The following NEB variants were observed in gnomAD, a reference collection of about 807,000 sequenced individuals.
NEB encodes the protein nemaline myopathy type 2.
Under a neutral mutation model 952.2 loss-of-function variants are expected in NEB, and 512 were observed. That is an observed-to-expected ratio of 0.54 (90% CI 0.50 to 0.58). The LOEUF (loss-of-function observed/expected upper bound fraction) is 0.58. NEB is among the 20% of genes least tolerant of loss of function. NEB has a pLI of 0.00. For missense variants in NEB, 8,428 were observed against 9,231.1 expected (o/e 0.91, Z 3.56); for synonymous variants, 2,900 against 3,149.8 (o/e 0.92, Z 2.66).
intron 60 of NEB, among the ~76,000 whole-genome samples, chr2:151,641,430 G>A (rs1478514329): frequency 1.3e-5 from 2 of 152,166 alleles, no homozygotes; most frequent in Non-Finnish European, 2.9e-5. Flanking sequence ...CTCTTGGGCT[G>A]AAGTGATCCT....
At chr2:151,644,599 T>G in intron 55 of NEB, 24 bp from the exon 56 acceptor site, 3 of 1,560,782 alleles carry the variant, frequency 1.9e-6, no homozygotes, top group Non-Finnish European at 2.7e-6. Flanking sequence ...AAGATCATTT[T>G]GGGAAATACT....
intron 161 of NEB, among the ~76,000 whole-genome samples, chr2:151,508,927 C>CTTAT (rs2153223143): frequency 6.6e-6 from 1 of 152,330 alleles, no homozygotes; most frequent in African/African-American, 2.4e-5. Context: ...ACTTTAGAGC[C>CTTAT]TTATTTTTCT....
chr2:151,540,291 T>C, intron 138 of NEB, 53 bp downstream of exon 138: 1 of 1,113,278 alleles, frequency 9.0e-7, no homozygotes, highest in Non-Finnish European at 1.3e-6. Context: ...TCTTAGGTAC[T>C]TCAACCTCAG....
chr2:151,504,889 T>C lies in NEB; in HGVS notation c.23742+589A>G, dbSNP rs115187177. 1.8e-3 allele frequency among the ~76,000 whole-genome samples: 272 copies of C among 152,144 alleles called. 2 individuals carry two copies. The highest frequency in any genetic ancestry group is 6.3e-3 in the African/African-American group (261 of 41,498). On this transcript the variant is annotated intron_variant, in intron 165 of 181. Transcript: ENST00000397345. Reference sequence around the variant, plus strand: ...GACAGAACAGGCTTAATGTATAATATACCATTGTAGGTAGATCGCAGCCTG... The same window carrying C: ...GACAGAACAGGCTTAATGTATAATACACCATTGTAGGTAGATCGCAGCCTG...
rs1553627466 is a variant in NEB, at chr2:151,518,316, A to C, written c.22800+2T>G. 5 of 1,589,860 alleles carry C rather than the reference A, an allele frequency of 3.1e-6. No homozygotes were observed. The highest frequency in any genetic ancestry group is 1.7e-5 in the Admixed American group (1 of 59,978). ...AGGAAAAATCGGTCTTGATCCACTT[A>C]CTATACTCTGTAATTCTGTGGCCTC... On this transcript the variant is annotated splice_donor_variant, in intron 156 of 181. Transcript: ENST00000397345. LOFTEE classifies it high-confidence loss of function.
intron 4 of NEB, among the ~76,000 whole-genome samples, chr2:151,728,513 C>A (rs1300905149): frequency 6.6e-6 from 1 of 152,058 alleles, no homozygotes; most frequent in Non-Finnish European, 1.5e-5. Flanking sequence ...AACCGGAGTG[C>A]CATTTACACT....
In NEB at chr2:151,492,246, A is replaced by G. The variant is rs754365974; in HGVS notation, c.24909T>C (p.Gly8303=). The G allele has an allele frequency of 1.0e-4, 169 of 1,613,162 alleles. No individual in the cohort carries two copies. Among genetic ancestry groups the G allele is most frequent in the Non-Finnish European group, 1.4e-4 (165 of 1,179,668 alleles). ...GATCTGTCACCACTGGTGTGAAGCA[A>G]CCCTTGTGTTTCTCAAAGTCTTCAT... ...KYHEDFEKHK[G]CFTPVVTDPI... is the part of the protein sequence containing the mutation. The change falls in exon 178 of 182, where the codon GGT becomes GGC. Residue 8303 remains glycine, a synonymous_variant. Coordinates refer to ENST00000397345, the MANE Select transcript of NEB (RefSeq NM_001164508.2).
At chr2:151,497,120 T>G in intron 171 of NEB, 87 bp from the exon 172 acceptor site, 1 of 1,456,112 alleles carries the variant, frequency 6.9e-7, no homozygotes, top group Non-Finnish European at 9.3e-7. Context: ...AGCTTCCTTG[T>G]TAAGACAAAA....
chr2:151,550,189 C>A (rs925159949), intron 129 of NEB, among the ~76,000 whole-genome samples: 1 of 147,612 alleles, frequency 6.8e-6, no homozygotes, highest in Admixed American at 6.9e-5. Context: ...ATCACTTGAG[C>A]CCAGGAATTT....
intron 46 of NEB, among the ~76,000 whole-genome samples, chr2:151,661,226 A>T (rs1309871506): frequency 2.0e-5 from 3 of 152,134 alleles, no homozygotes; most frequent in Non-Finnish European, 4.4e-5. Context: ...TTAATCACTA[A>T]CACTGAAAAA....
intron 9 of NEB, among the ~76,000 whole-genome samples, chr2:151,721,941 C>A (rs2099775285): frequency 2.0e-5 from 3 of 152,136 alleles, no homozygotes; most frequent in Admixed American, 1.3e-4. Flanking sequence ...TATATTTTAA[C>A]CAATTACATA....
At position 151,663,669 on chromosome 2, in the gene NEB, G is replaced by C. The variant is rs527283653; in HGVS notation, c.5642C>G (p.Ala1881Gly). The part of the protein sequence containing the change: ...TPVDMLSVVA[A>G]KKSQEVATNA... ...GGTGGCCACTTCCTGAGACTTCTTG[G>C]CTGCCACCACACTGAGCATGTCCAC... Residue 1881 changes from alanine (A) to glycine (G), a missense_variant, in exon 45 of 182, where the codon GCC becomes GGC. By Grantham distance (60) the Ala-to-Gly change is moderately conservative (BLOSUM62 0). Coordinates refer to ENST00000397345, the MANE Select transcript of NEB (RefSeq NM_001164508.2). 7.4e-6 allele frequency: 12 copies of C among 1,613,726 alleles called. No homozygotes were observed. The African/African-American group carries it at 1.6e-4, about 22-fold the overall frequency.
chr2:151,678,046 T>A lies in NEB; in HGVS notation c.3397A>T (p.Thr1133Ser), dbSNP rs1294520829. The A allele has an allele frequency of 6.2e-7, 1 of 1,613,984 alleles. No homozygotes were observed. The highest frequency in any genetic ancestry group is 1.7e-5 in the Admixed American group (1 of 60,016). Residue 1133 changes from threonine to serine, a missense_variant, in exon 33 of 182, where the codon ACA becomes TCA. Thr to Ser is a moderately conservative substitution (Grantham distance 58, BLOSUM62 1). Around this residue, in one of 11 missense-constraint regions of NEB, gnomAD observed 2,851 missense variants for 2,791.5 expected, o/e 1.02. Transcript: ENST00000397345. ...DREYKKDYEKTKSKYNTPHDM... is the reference protein window; with the variant it reads ...DREYKKDYEKSKSKYNTPHDM... ...TGGGGCGTGTTGTATTTGGACTTTGTCTTCTCATAGTCTTTTTTATACTCC... is the reference window on the plus strand; with the variant it reads ...TGGGGCGTGTTGTATTTGGACTTTGACTTCTCATAGTCTTTTTTATACTCC...
At chr2:151,655,480 T>C (rs2099078213) in intron 50 of NEB, 106 bp from the exon 51 acceptor site, 1 of 577,822 alleles carries the variant, frequency 1.7e-6, no homozygotes, top group Non-Finnish European at 2.9e-6. Context: ...TTTGATGTAG[T>C]AAGTAATAAC....
chr2:151,506,836 G>T (rs1227978932), intron 163 of NEB, 73 bp downstream of exon 163: 1 of 969,186 alleles, frequency 1.0e-6, no homozygotes, highest in East Asian at 2.4e-5. Flanking sequence ...ATCAATATAA[G>T]GCTAGTATAT....
intron 51 of NEB, among the ~76,000 whole-genome samples, chr2:151,654,528 A>C (rs1184647548): frequency 6.6e-6 from 1 of 152,242 alleles, no homozygotes; most frequent in African/African-American, 2.4e-5. Context: ...AATGCCTTTT[A>C]TAAATTGCAA....
rs760359781 is a variant in NEB at position 151,636,227 on chromosome 2, G to T, written c.9102C>A (p.Asp3034Glu). The T allele has an allele frequency of 3.1e-6, 5 of 1,605,856 alleles. No homozygotes were observed. The highest frequency in any genetic ancestry group is 4.2e-6 in the Non-Finnish European group (5 of 1,177,570). ...AAKASRDIIS[D>E]YKYKDGYCKQ... ...ACTCAGAATGGAATTGACAACTCAC[G>T]TCACTGATGATGTCCCTGGAGGCCT... Residue 3034 changes from aspartate to glutamate, a missense_variant and splice_region_variant, in exon 64 of 182, where the codon GAC becomes GAA. Physicochemically the swap from Asp to Glu is conservative, Grantham distance 45. Transcript: ENST00000397345.
At chr2:151,523,063 A>G (rs1163636246) in intron 153 of NEB, among the ~76,000 whole-genome samples, 1 of 152,192 alleles carries the variant, frequency 6.6e-6, no homozygotes, top group Non-Finnish European at 1.5e-5. Flanking sequence ...AAATTTCAAC[A>G]TCATAGTCGT....
chr2:151,552,759 G>A lies in NEB; in HGVS notation c.19749C>T (p.His6583=), dbSNP rs768711941. The A allele has an allele frequency of 3.7e-5, 60 of 1,612,434 alleles. No individual in the cohort carries two copies. Among genetic ancestry groups the A allele is most frequent in the Non-Finnish European group, 4.8e-5 (57 of 1,179,072 alleles). Reference sequence around the variant, plus strand: ...TGTAGTCATTCCTTGTTTTCAACATGTGAGCTTTATACTTGATCTGCCGAG... The same window carrying A: ...TGTAGTCATTCCTTGTTTTCAACATATGAGCTTTATACTTGATCTGCCGAG... ...DLRDDIKYKA[H]MLKTRNDYKL... The change falls in exon 128 of 182, where the codon CAC becomes CAT. Residue 6583 remains histidine, a synonymous_variant. Coordinates refer to ENST00000397345, the MANE Select transcript of NEB (RefSeq NM_001164508.2).
Sources: gnomAD v4.1 joint callset for allele counts (sites outside exome capture counted in the v4.1 genomes callset) on GRCh38, gnomAD v4.1.1 for gene constraint, gnomAD v4.1.1 regional missense constraint, MANE v1.5 for transcripts, NCBI Gene and HGNC (gene_info 2026-07-23, HGNC 2026-07-21) for gene names.